HECW1: variants seen among roughly 807,000 people sequenced by gnomAD.
HECW1 encodes HECT, C2 and WW domain containing E3 ubiquitin protein ligase 1.
A neutral mutation model predicts 182.3 loss-of-function variants in HECW1; 61 were observed. That is an observed-to-expected ratio of 0.33 (90% CI 0.27 to 0.41). The LOEUF (loss-of-function observed/expected upper bound fraction) is 0.41, where lower values mean the gene tolerates loss of function less well. Ranked by LOEUF, HECW1 falls within the 10% of genes least tolerant of loss-of-function variation. HECW1 has a pLI of 1.00. For missense variants in HECW1, 1,739 were observed against 2,108.9 expected (o/e 0.82, Z 3.44); for synonymous variants, 859 against 832.6 (o/e 1.03, Z -0.55).
rs80071700 is a variant in HECW1 at position 43,189,395 on chromosome 7, C to A, written c.-31-54480C>A. 2.9e-4 allele frequency among the ~76,000 whole-genome samples: 44 copies of A among 152,190 alleles called. 1 individual carries two copies. In the East Asian group the frequency reaches 7.5e-3, roughly 26 times the overall value. ...GGACATTGCTGGTCCACAGATTACA[C>A]AGTGAATAGCAAAATATGAGACTGT... On this transcript the variant is annotated intron_variant, in intron 2 of 29. Transcript: ENST00000395891.
At position 43,467,639 on chromosome 7, in the gene HECW1, T is replaced by C. The variant is rs1004157653; in HGVS notation, c.2913+1071T>C. Among the ~76,000 whole-genome samples, 21 of 151,848 alleles carry C rather than the reference T, an allele frequency of 1.4e-4. 1 individual carries two copies. The highest frequency in any genetic ancestry group is 2.5e-4 in the Non-Finnish European group (17 of 67,964). On this transcript the variant is annotated intron_variant, in intron 15 of 29. Coordinates refer to ENST00000395891, the MANE Select transcript of HECW1 (RefSeq NM_015052.5). Reference sequence around the variant, plus strand: ...TTAAGACACAGGCTGATTCAACCGCTGAGTGAGAGATGATCTGGCTCTGAC... The same window carrying C: ...TTAAGACACAGGCTGATTCAACCGCCGAGTGAGAGATGATCTGGCTCTGAC...
At chr7:43,412,235 C>T (rs980577382) in intron 8 of HECW1, among the ~76,000 whole-genome samples, 11 of 152,176 alleles carry the variant, frequency 7.2e-5, no homozygotes, top group African/African-American at 2.4e-4. Flanking sequence ...ATATTACCTG[C>T]ATTTATCCAC....
At chr7:43,455,707 C>T (rs1371211099) in intron 12 of HECW1, among the ~76,000 whole-genome samples, 2 of 152,126 alleles carry the variant, frequency 1.3e-5, no homozygotes, top group Non-Finnish European at 2.9e-5. Flanking sequence ...ACCATCACAC[C>T]ATCACGGGTG....
intron 6 of HECW1, among the ~76,000 whole-genome samples, chr7:43,372,552 T>C (rs1237206699): frequency 6.6e-6 from 1 of 152,132 alleles, no homozygotes; most frequent in Non-Finnish European, 1.5e-5. Flanking sequence ...GACTTGTTTA[T>C]GTTTTCTAAC....
chr7:43,480,720 CAT>C (rs143796008), intron 17 of HECW1, among the ~76,000 whole-genome samples: 23,148 of 146,036 alleles, frequency 0.16, 2,260 homozygotes, highest in Middle Eastern at 0.26. Flanking sequence ...CATATATACG[CAT>C]ATATATATAT....
chr7:43,228,133 T>C (rs1468657870), intron 2 of HECW1, among the ~76,000 whole-genome samples: 1 of 152,168 alleles, frequency 6.6e-6, no homozygotes, highest in Non-Finnish European at 1.5e-5. Context: ...AACAGCCAGA[T>C]ACACAAAATT....
intron 2 of HECW1, among the ~76,000 whole-genome samples, chr7:43,197,445 G>A (rs1172799415): frequency 6.6e-6 from 1 of 152,230 alleles, no homozygotes; most frequent in Admixed American, 6.5e-5. Context: ...CCCCTGCAAA[G>A]CGATGCGTCC....
At chr7:43,530,668 C>T (rs1447239814) in intron 24 of HECW1, among the ~76,000 whole-genome samples, 1 of 152,148 alleles carries the variant, frequency 6.6e-6, no homozygotes, top group Non-Finnish European at 1.5e-5. Context: ...GAGCTTCAAA[C>T]TTTATTATCA....
chr7:43,192,009 G>T (rs1485126831), intron 2 of HECW1, among the ~76,000 whole-genome samples: 1 of 151,178 alleles, frequency 6.6e-6, no homozygotes. Flanking sequence ...GCCTAGACTG[G>T]AGTGCAATGG....
At chr7:43,362,014 G>A (rs986145042) in intron 6 of HECW1, among the ~76,000 whole-genome samples, 5 of 149,916 alleles carry the variant, frequency 3.3e-5, no homozygotes, top group Admixed American at 2.0e-4. Context: ...GGTGGCAAGC[G>A]CCTGCAATCC....
intron 13 of HECW1, among the ~76,000 whole-genome samples, chr7:43,457,494 C>T (rs1046184481): frequency 3.9e-5 from 6 of 152,104 alleles, no homozygotes; most frequent in Non-Finnish European, 8.8e-5. Context: ...CACATGGGGC[C>T]GGGTGCAGTG....
chr7:43,343,281 T>A (rs567348841), intron 5 of HECW1, among the ~76,000 whole-genome samples: 6 of 140,214 alleles, frequency 4.3e-5, no homozygotes, highest in African/African-American at 1.3e-4. Flanking sequence ...TTTTTTTTTT[T>A]AATTATACTT....
At chr7:43,185,717 T>G (rs544689205) in intron 2 of HECW1, among the ~76,000 whole-genome samples, 1 of 152,312 alleles carries the variant, frequency 6.6e-6, no homozygotes, top group East Asian at 1.9e-4. Flanking sequence ...TTCCATCATA[T>G]AAATTCAGTA....
chr7:43,184,108 A>G (rs894287109), intron 2 of HECW1, among the ~76,000 whole-genome samples: 1 of 151,862 alleles, frequency 6.6e-6, no homozygotes, highest in African/African-American at 2.4e-5. Flanking sequence ...CCACCTCCTG[A>G]GTTCACGCCA....
At chr7:43,217,192 A>ATAC (rs2152699951) in intron 2 of HECW1, among the ~76,000 whole-genome samples, 1 of 152,242 alleles carries the variant, frequency 6.6e-6, no homozygotes, top group East Asian at 1.9e-4. Flanking sequence ...AAATTTTTTA[A>ATAC]TACTGGAATA....
At chr7:43,220,494 C>G (rs1796849437) in intron 2 of HECW1, among the ~76,000 whole-genome samples, 1 of 152,244 alleles carries the variant, frequency 6.6e-6, no homozygotes, top group South Asian at 2.1e-4. Flanking sequence ...AGACACAACA[C>G]TCTAATCACA....
At chr7:43,281,955 C>T (rs920781170) in intron 3 of HECW1, among the ~76,000 whole-genome samples, 3 of 152,154 alleles carry the variant, frequency 2.0e-5, no homozygotes, top group Admixed American at 6.5e-5. Flanking sequence ...CTGACACTCT[C>T]TCCATGAGCC....
chr7:43,417,860 C>T (rs184262797), intron 8 of HECW1, among the ~76,000 whole-genome samples: 9 of 152,248 alleles, frequency 5.9e-5, no homozygotes, highest in South Asian at 4.2e-4. Context: ...AGTTGGATTT[C>T]GGCATTCCCA....
At chr7:43,169,696 T>C (rs905454320) in intron 2 of HECW1, among the ~76,000 whole-genome samples, 6 of 147,816 alleles carry the variant, frequency 4.1e-5, no homozygotes, top group African/African-American at 1.2e-4. Context: ...TTTTCTTTTT[T>C]TTTTTTTTTT....
Sources: gnomAD v4.1 joint callset for allele counts (sites outside exome capture counted in the v4.1 genomes callset) on GRCh38, gnomAD v4.1.1 for gene constraint, MANE v1.5 for transcripts, NCBI Gene and HGNC (gene_info 2026-07-23, HGNC 2026-07-21) for gene names.